Variants in NKIRAS1 observed in about 807,000 individuals in gnomAD.
NKIRAS1 encodes the protein NFKB inhibitor interacting Ras like 1, also known as NF-kappa-B inhibitor-interacting Ras-like protein 1.
In NKIRAS1, 16 loss-of-function variants were observed where a neutral mutation model predicts 19.8. The observed-to-expected ratio is 0.81, with a 90% CI of 0.55 to 1.23. NKIRAS1 has a LOEUF of 1.23. Among genes scored for constraint, NKIRAS1 ranks in the 50% most tolerant of loss-of-function variants. The pLI is 0.00. For missense variants in NKIRAS1, 184 were observed against 220.0 expected, an observed-to-expected ratio of 0.84 and a Z score of 1.04; for synonymous variants, 88 against 79.0, an observed-to-expected ratio of 1.11 and a Z score of -0.61.
At chr3:23,904,436 G>C (rs898852108) in intron 3 of NKIRAS1, among the ~76,000 whole-genome samples, 1 of 152,102 alleles carries the variant, frequency 6.6e-6, no homozygotes, top group African/African-American at 2.4e-5. Flanking sequence ...GAGACAGAAG[G>C]GCAAGAGAGC....
intron 1 of NKIRAS1, chr3:23,915,917 T>C (rs528323020): frequency 6.6e-6 from 1 of 152,322 alleles, no homozygotes; most frequent in East Asian, 1.9e-4. Context: ...TTATCTTTTT[T>C]CCTTAGCATT....
chr3:23,919,312 C>T (rs1332805437), upstream of NKIRAS1: 9 of 1,604,610 alleles, frequency 5.6e-6, no homozygotes, highest in South Asian at 1.1e-5. Context: ...ATAAAGCTAT[C>T]AGAAGAAATC....
chr3:23,946,200 C>T, intron 1 of NKIRAS1: 1 of 985,386 alleles, frequency 1.0e-6, no homozygotes, highest in Non-Finnish European at 1.2e-6. Flanking sequence ...GGGGCGTCCC[C>T]GAAGCGGGCG....
At chr3:23,905,976 T>C (rs1703003008) in intron 3 of NKIRAS1, among the ~76,000 whole-genome samples, 1 of 151,876 alleles carries the variant, frequency 6.6e-6, no homozygotes, top group Admixed American at 6.6e-5. Context: ...TGGAGCAACA[T>C]GGTGAAACCC....
At chr3:23,938,798 C>T (rs1056018191) in intron 1 of NKIRAS1, among the ~76,000 whole-genome samples, 1 of 152,188 alleles carries the variant, frequency 6.6e-6, no homozygotes, top group Non-Finnish European at 1.5e-5. Flanking sequence ...CAACTTCTCC[C>T]TTATCCCATG....
In NKIRAS1 at chr3:23,928,291, AAAATAAATAAATAAAT is replaced by A. The variant is rs71622762; in HGVS notation, c.-139-16857_-139-16842del. Among the ~76,000 whole-genome samples the A allele has an allele frequency of 8.0e-3, 1,152 of 144,758 alleles. 19 individuals carry two copies. Among genetic ancestry groups the A allele is most frequent in the African/African-American group, 0.027 (1,058 of 38,958 alleles). 95.0% of individuals were successfully genotyped at this position (144,758 alleles called of 152,430 possible). A position where few individuals can be genotyped will look rare whatever the true frequency, so the allele number is the denominator to read the frequency against. On this transcript the variant is annotated intron_variant, in intron 1 of 4. Coordinates refer to the NKIRAS1 transcript ENST00000421515. ...GGCAACAGAGCAAGACTCTGTCTCAAAAATAAATAAATAAATAAATAAATAAATAAATAAATAAATA... is the reference window on the plus strand; with the variant it reads ...GGCAACAGAGCAAGACTCTGTCTCAAAAATAAATAAATAAATAAATAAATA...
chr3:23,910,662 C>A, intron 3 of NKIRAS1, 149 bp downstream of exon 3: 2 of 624,862 alleles, frequency 3.2e-6, no homozygotes, highest in Non-Finnish European at 5.7e-6. Flanking sequence ...TTTTTTCCCT[C>A]CTCTTTTCTT....
At chr3:23,935,093 C>T (rs919650695) in intron 1 of NKIRAS1, among the ~76,000 whole-genome samples, 2 of 151,674 alleles carry the variant, frequency 1.3e-5, no homozygotes, top group Non-Finnish European at 2.9e-5. Flanking sequence ...GCTATGCTGC[C>T]CAGGCTGGTC....
At chr3:23,931,286 A>AT (rs1705310692) in intron 1 of NKIRAS1, among the ~76,000 whole-genome samples, 1 of 152,076 alleles carries the variant, frequency 6.6e-6, no homozygotes, top group Non-Finnish European at 1.5e-5. Context: ...ATTTCTCTTT[A>AT]CTTTTGCTTC....
chr3:23,941,312 G>A (rs1326680351), intron 1 of NKIRAS1, among the ~76,000 whole-genome samples: 1 of 152,068 alleles, frequency 6.6e-6, no homozygotes, highest in African/African-American at 2.4e-5. Context: ...GGGATAAGAG[G>A]ACTCTTAACA....
At chr3:23,895,741 C>T (rs973555557) in intron 4 of NKIRAS1, among the ~76,000 whole-genome samples, 1 of 152,150 alleles carries the variant, frequency 6.6e-6, no homozygotes, top group Non-Finnish European at 1.5e-5. Context: ...AATGAGATAT[C>T]GCATACCTTT....
intron 1 of NKIRAS1, among the ~76,000 whole-genome samples, chr3:23,914,957 G>A (rs919452851): frequency 6.6e-6 from 1 of 152,194 alleles, no homozygotes; most frequent in African/African-American, 2.4e-5. Context: ...AATACATACA[G>A]GGCTGCACTA....
intron 3 of NKIRAS1, among the ~76,000 whole-genome samples, chr3:23,904,120 G>A (rs998743460): frequency 5.3e-5 from 8 of 152,274 alleles, no homozygotes; most frequent in Non-Finnish European, 8.8e-5. Context: ...AGCTGAGATC[G>A]TGCCACTGCA....
In NKIRAS1 at chr3:23,890,887, G is replaced by A. The variant is rs148291247; in HGVS notation, c.*2208C>T. On this transcript the variant is annotated 3_prime_UTR_variant, in exon 5 of 5. Coordinates refer to ENST00000425478, the MANE Select transcript of NKIRAS1 (RefSeq NM_020345.4). ...TTTAGACATTTGGGTTCAGTTGCTT[G>A]TAGTCTGTAAATTTAAAACAGCTTA... 678 of 250,296 alleles carry A rather than the reference G, an allele frequency of 2.7e-3. 5 individuals are homozygous for A. Among genetic ancestry groups the A allele is most frequent in the African/African-American group, 0.013 (592 of 44,882 alleles). 15.5% of individuals were successfully genotyped at this position (250,296 alleles called of 1,614,324 possible). A position where few individuals can be genotyped will look rare whatever the true frequency, so the allele number is the denominator to read the frequency against.
Position 23,943,869 on chromosome 3 carries a change from A to G in NKIRAS1, c.-140+2454T>C, listed in dbSNP as rs141404952. On this transcript the variant is annotated intron_variant, in intron 1 of 4. Transcript: ENST00000421515. ...CAGGACCCACATCTGTGCAGGGCGA[A>G]GCAGGTCAGGTTAAGTCGTTGAATT... 4.1e-3 allele frequency among the ~76,000 whole-genome samples: 618 copies of G among 152,378 alleles called. 2 individuals carry two copies. Among genetic ancestry groups the G allele is most frequent in the Non-Finnish European group, 7.0e-3 (475 of 68,036 alleles).
chr3:23,904,171 G>C (rs1163269534), intron 3 of NKIRAS1, among the ~76,000 whole-genome samples: 1 of 151,900 alleles, frequency 6.6e-6, no homozygotes, highest in Admixed American at 6.6e-5. Flanking sequence ...GAAAAGAAAA[G>C]ATCAATTCTA....
At chr3:23,925,419 AGCTCAG>A (rs1310468011) in intron 1 of NKIRAS1, among the ~76,000 whole-genome samples, 2 of 152,076 alleles carry the variant, frequency 1.3e-5, no homozygotes, top group Non-Finnish European at 2.9e-5. Flanking sequence ...GGATTGCTTG[AGCTCAG>A]GAGTTTGAGA....
intron 3 of NKIRAS1, among the ~76,000 whole-genome samples, chr3:23,902,569 ATTT>A (rs1209412300): frequency 1.3e-5 from 2 of 152,120 alleles, no homozygotes; most frequent in Admixed American, 1.3e-4. Flanking sequence ...TTGTCATGTG[ATTT>A]TTTTATCCAC....
intron 1 of NKIRAS1, among the ~76,000 whole-genome samples, chr3:23,942,894 C>G (rs1338160369): frequency 6.6e-6 from 1 of 152,028 alleles, no homozygotes; most frequent in Non-Finnish European, 1.5e-5. Flanking sequence ...ACTACAGTTG[C>G]ACACCACCAA....
Sources: allele counts gnomAD v4.1 joint callset (sites outside exome capture counted in the v4.1 genomes callset), GRCh38; gene constraint gnomAD v4.1.1; transcripts MANE v1.5; gene names NCBI Gene and HGNC (gene_info 2026-07-23, HGNC 2026-07-21).